The following FGF14 variants were observed in gnomAD, a reference collection of about 807,000 sequenced individuals.
FGF14 encodes the protein fibroblast growth factor 14, also known as fibroblast growth factor homologous factor 4.
In FGF14, 5 loss-of-function variants were observed where a neutral mutation model predicts 25.5. The ratio of observed to expected loss-of-function variants is 0.20; its 90% CI spans 0.10 to 0.41. The LOEUF (loss-of-function observed/expected upper bound fraction) is 0.41, where lower values mean the gene tolerates loss of function less well. Among genes scored for constraint, FGF14 ranks in the 10% least tolerant of loss-of-function variants. FGF14 has a pLI of 1.00. For missense variants in FGF14, 222 were observed against 320.1 expected, an observed-to-expected ratio of 0.69 and a Z score of 2.34; for synonymous variants, 138 against 118.3, an observed-to-expected ratio of 1.17 and a Z score of -1.08.
chr13:101,870,098 A>G (rs531773152), intron 2 of FGF14, among the ~76,000 whole-genome samples: 1 of 152,320 alleles, frequency 6.6e-6, no homozygotes, highest in East Asian at 1.9e-4. Context: ...TTCACTACGT[A>G]AACTAATATC....
At chr13:102,353,869 C>T (rs16960081) in intron 1 of FGF14, among the ~76,000 whole-genome samples, 4,685 of 152,252 alleles carry the variant, frequency 0.031, 247 homozygotes, top group African/African-American at 0.11. Flanking sequence ...ATTTTGATAG[C>T]TATGGGAAGC....
intron 1 of FGF14, among the ~76,000 whole-genome samples, chr13:101,939,687 C>T (rs537245282): frequency 1.3e-5 from 2 of 152,324 alleles, no homozygotes; most frequent in South Asian, 4.1e-4. Context: ...AATTCACAGA[C>T]TGTAAATGTC....
chr13:101,789,337 T>C (rs1380732977), intron 3 of FGF14, among the ~76,000 whole-genome samples: 2 of 152,066 alleles, frequency 1.3e-5, no homozygotes, highest in Admixed American at 6.6e-5. Flanking sequence ...GGTCAGCAAG[T>C]ACCTAATATT....
At chr13:101,756,166 A>G (rs1487231566) in intron 3 of FGF14, among the ~76,000 whole-genome samples, 1 of 152,186 alleles carries the variant, frequency 6.6e-6, no homozygotes, top group African/African-American at 2.4e-5. Flanking sequence ...TCCTTCAAAG[A>G]CTTACCTTTT....
chr13:101,983,536 TTTGA>T lies in FGF14; in HGVS notation c.209-108244_209-108241del, dbSNP rs199534344. Among the ~76,000 whole-genome samples the T allele has an allele frequency of 6.1e-3, 923 of 152,320 alleles. 10 individuals carry two copies. Among genetic ancestry groups the T allele is most frequent in the Middle Eastern group, 0.051 (15 of 294 alleles). On this transcript the variant is annotated intron_variant, in intron 1 of 4. Coordinates refer to the FGF14 transcript ENST00000376131. ...AAAAATAAAAAAACATTTTAATGTC[TTTGA>T]TTGTTAGCCTTGGATCCTTCCACTA... is the stretch of plus-strand genomic sequence containing the variant.
chr13:102,182,251 T>C (rs890126560), intron 1 of FGF14, among the ~76,000 whole-genome samples: 2 of 152,042 alleles, frequency 1.3e-5, no homozygotes, highest in African/African-American at 4.8e-5. Flanking sequence ...TGGTATTGAA[T>C]ATGAAGGAAA....
chr13:102,036,210 A>G (rs2041465398), intron 1 of FGF14, among the ~76,000 whole-genome samples: 1 of 152,162 alleles, frequency 6.6e-6, no homozygotes, highest in Non-Finnish European at 1.5e-5. Context: ...CTTTGTTTAA[A>G]GATATGTCCA....
At position 101,722,052 on chromosome 13, in the gene FGF14, G is replaced by T. The variant is rs2035030314; in HGVS notation, c.*779C>A. 6.6e-6 allele frequency: 1 copy of T among 152,114 alleles called. No homozygotes were observed. The highest frequency in any genetic ancestry group is 2.4e-5 in the African/African-American group (1 of 41,332). The allele number at this position is 152,114 out of a possible 1,614,324, so 9.4% of individuals were successfully genotyped here. On this transcript the variant is annotated 3_prime_UTR_variant, in exon 5 of 5. Coordinates refer to ENST00000376143, the MANE Select transcript of FGF14 (RefSeq NM_004115.4). ...CACACACACACAAAGAAACTAGAGG[G>T]GGATGTCAAACACATATCATAGAGA...
At chr13:101,959,555 A>G (rs2036713191) in intron 1 of FGF14, among the ~76,000 whole-genome samples, 1 of 152,134 alleles carries the variant, frequency 6.6e-6, no homozygotes, top group Admixed American at 6.6e-5. Flanking sequence ...TATTTTCACA[A>G]TGCTGCACGT....
intron 1 of FGF14, among the ~76,000 whole-genome samples, chr13:102,343,623 T>TGC: frequency 6.6e-6 from 1 of 152,226 alleles, no homozygotes; most frequent in Non-Finnish European, 1.5e-5. Context: ...GACAGTCATA[T>TGC]GCGAGACTGT....
chr13:101,751,705 G>A (rs144039520), intron 3 of FGF14, among the ~76,000 whole-genome samples: 101 of 152,234 alleles, frequency 6.6e-4, no homozygotes, highest in African/African-American at 2.4e-3. Context: ...TATTGCCTAA[G>A]GCTGTTTTTG....
chr13:101,714,664 G>C lies in FGF14; in HGVS notation c.*8167C>G. Reference sequence around the variant, plus strand: ...GACCAACAGGGCCAACCGTGAATATGAAATATCTACCAAAGGCGAAGTGGG... The same window carrying C: ...GACCAACAGGGCCAACCGTGAATATCAAATATCTACCAAAGGCGAAGTGGG... On this transcript the variant is annotated 3_prime_UTR_variant, in exon 5 of 5. Coordinates refer to ENST00000376143, the MANE Select transcript of FGF14 (RefSeq NM_004115.4). 1.4e-6 allele frequency: 1 copy of C among 692,684 alleles called. No individual in the cohort carries two copies. The highest frequency in any genetic ancestry group is 1.8e-5 in the South Asian group (1 of 56,514). 42.9% of individuals were successfully genotyped at this position (692,684 alleles called of 1,614,324 possible).
At chr13:101,946,709 T>G (rs1159802325) in intron 1 of FGF14, among the ~76,000 whole-genome samples, 63 of 152,318 alleles carry the variant, frequency 4.1e-4, no homozygotes, top group African/African-American at 1.4e-3. Flanking sequence ...AGGGACTACT[T>G]TTTAAGAATA....
At chr13:102,270,628 T>C (rs918545064) in intron 1 of FGF14, among the ~76,000 whole-genome samples, 1 of 152,198 alleles carries the variant, frequency 6.6e-6, no homozygotes. Flanking sequence ...CTTACATGCT[T>C]TGAACTGTAA....
At chr13:101,934,916 A>G (rs978772030) in intron 1 of FGF14, among the ~76,000 whole-genome samples, 4 of 152,152 alleles carry the variant, frequency 2.6e-5, no homozygotes, top group African/African-American at 9.7e-5. Flanking sequence ...TATGAGATGT[A>G]CCCTCTTAAC....
At chr13:101,981,059 T>G (rs1433788536) in intron 1 of FGF14, among the ~76,000 whole-genome samples, 1 of 144,816 alleles carries the variant, frequency 6.9e-6, no homozygotes, top group Non-Finnish European at 1.5e-5. Context: ...CTGGGCAACA[T>G]GGTGAAACCT....
intron 1 of FGF14, among the ~76,000 whole-genome samples, chr13:101,900,076 T>C (rs1051415625): frequency 8.5e-5 from 13 of 152,100 alleles, no homozygotes; most frequent in Admixed American, 7.2e-4. Flanking sequence ...ATTTTGAAAT[T>C]AAACAAGCAC....
intron 1 of FGF14, among the ~76,000 whole-genome samples, chr13:102,262,212 TTAAAA>T (rs1281745655): frequency 2.5e-4 from 38 of 152,298 alleles, no homozygotes; most frequent in East Asian, 5.8e-4. Flanking sequence ...GTTATGACAC[TTAAAA>T]TAAACATTTT....
At chr13:102,392,081 T>C (rs1401493634) in intron 1 of FGF14, among the ~76,000 whole-genome samples, 1 of 152,214 alleles carries the variant, frequency 6.6e-6, no homozygotes, top group African/African-American at 2.4e-5. Flanking sequence ...CCTCCCAAGC[T>C]ACACCTTTAA....
Sources: allele counts gnomAD v4.1 joint callset (sites outside exome capture counted in the v4.1 genomes callset), GRCh38; gene constraint gnomAD v4.1.1; transcripts MANE v1.5; gene names NCBI Gene and HGNC (gene_info 2026-07-23, HGNC 2026-07-21).